WIPI2: variants seen among roughly 807,000 people sequenced by gnomAD.
WIPI2 encodes WD repeat domain, phosphoinositide interacting 2, also known as WD repeat domain phosphoinositide-interacting protein 2.
Under a neutral mutation model 52.3 loss-of-function variants are expected in WIPI2, and 28 were observed. That is an observed-to-expected ratio of 0.54 (90% CI 0.40 to 0.73). The LOEUF (loss-of-function observed/expected upper bound fraction) is 0.73. WIPI2 is among the 30% of genes least tolerant of loss of function. WIPI2 has a pLI of 0.00. For missense variants in WIPI2, 506 were observed against 602.9 expected, an observed-to-expected ratio of 0.84 and a Z score of 1.68; for synonymous variants, 268 against 245.0, an observed-to-expected ratio of 1.09 and a Z score of -0.88.
intron 3 of WIPI2, among the ~76,000 whole-genome samples, chr7:5,206,059 T>G (rs1489813624): frequency 2.6e-5 from 4 of 152,196 alleles, no homozygotes; most frequent in Non-Finnish European, 5.9e-5. Context: ...TTCTGAAGTC[T>G]TGAATTTCTA....
In WIPI2 at chr7:5,231,064, T is replaced by TA. The variant is rs371468533; in HGVS notation, c.*130dup. The TA allele has an allele frequency of 0.029, 15,868 of 538,216 alleles. 16 individuals are homozygous for TA. The highest frequency in any genetic ancestry group is 0.038 in the South Asian group (938 of 24,808). The allele number at this position is 538,216 out of a possible 1,614,324, so 33.3% of individuals were successfully genotyped here. A position where few individuals can be genotyped will look rare whatever the true frequency, so the allele number is the denominator to read the frequency against. On this transcript the variant is annotated 3_prime_UTR_variant, in exon 13 of 13. Coordinates refer to ENST00000288828, the MANE Select transcript of WIPI2 (RefSeq NM_015610.4). ...GGGGAGAGGATGGCAGAGACTTTAT[T>TA]AAAAAAAAAAAAAGATTGTAGTGGT...
intron 6 of WIPI2, chr7:5,217,537 T>C (rs2115281843): frequency 2.6e-6 from 1 of 390,986 alleles, no homozygotes; most frequent in East Asian, 5.9e-5. Context: ...CCTTAAGCCA[T>C]CCTCCCGCCT....
intron 11 of WIPI2, 144 bp downstream of exon 11, chr7:5,228,355 G>A (rs1783547889): frequency 6.5e-6 from 5 of 771,734 alleles, no homozygotes; most frequent in Non-Finnish European, 9.7e-6. Context: ...CGCGCAGGTC[G>A]GGAGCTTCGC....
rs1416285093 is a variant in WIPI2, at chr7:5,193,586, T to A, written c.128+415T>A. Among the ~76,000 whole-genome samples the A allele has an allele frequency of 2.0e-5, 3 of 152,362 alleles. No individual in the cohort carries two copies. The South Asian group carries it at 6.2e-4, about 32-fold the overall frequency. ...AATCAAGGGTTTGGGTTTTTGTTTT[T>A]GAGATGGAGTCTCACTGTTGCACAG... On this transcript the variant is annotated intron_variant, in intron 2 of 12. Transcript: ENST00000288828.
chr7:5,212,908 A>G (rs928023735), intron 3 of WIPI2, among the ~76,000 whole-genome samples: 3 of 152,236 alleles, frequency 2.0e-5, no homozygotes, highest in African/African-American at 4.8e-5. Flanking sequence ...GGGACTGGTC[A>G]GAGAACCAGG....
intron 2 of WIPI2, among the ~76,000 whole-genome samples, chr7:5,198,661 G>T (rs1781870549): frequency 6.6e-6 from 1 of 152,154 alleles, no homozygotes; most frequent in Non-Finnish European, 1.5e-5. Flanking sequence ...GTACACATCA[G>T]ACCACTTGAG....
At chr7:5,196,986 C>T (rs1271161735) in intron 2 of WIPI2, among the ~76,000 whole-genome samples, 1 of 151,798 alleles carries the variant, frequency 6.6e-6, no homozygotes, top group African/African-American at 2.4e-5. Context: ...GTGGCAGGCA[C>T]CTGTAATCCC....
Position 5,230,942 on chromosome 7 carries a change from G to A in WIPI2, c.1360G>A (p.Asp454Asn), listed in dbSNP as rs942942662. ...SEHPPMILRT[D>N] The stretch of plus-strand genomic sequence containing the variant: ...GCACCCGCCCATGATTCTTCGGACT[G>A]ACTGAACTTGACCTGTGACCTCTGA... Residue 454 changes from aspartate to asparagine, a missense_variant, in exon 13 of 13, where the codon GAC becomes AAC. Physicochemically the swap from Asp to Asn is conservative, Grantham distance 23 (BLOSUM62 1). This residue lies in a region of WIPI2 where 194 missense variants were observed against 175.1 expected (regional missense o/e 1.11). Transcript: ENST00000288828. This position sits in a 1 kb window ranked among gnomAD's most constrained non-coding sequence, Gnocchi z 4.8. 18 of 1,610,338 alleles carry A rather than the reference G, an allele frequency of 1.1e-5. No individual in the cohort carries two copies. The highest frequency in any genetic ancestry group is 1.4e-5 in the Non-Finnish European group (17 of 1,178,164).
At position 5,231,051 on chromosome 7, in the gene WIPI2, G is replaced by C; in HGVS notation, c.*104G>C. The C allele has an allele frequency of 1.2e-6, 1 of 849,612 alleles. No individual in the cohort carries two copies. Among genetic ancestry groups the C allele is most frequent in the Non-Finnish European group, 1.7e-6 (1 of 584,282 alleles). The allele number at this position is 849,612 out of a possible 1,614,324, so 52.6% of individuals were successfully genotyped here. ...TTGACCTGAGTCGGGGGAGAGGATG[G>C]CAGAGACTTTATTAAAAAAAAAAAA... On this transcript the variant is annotated 3_prime_UTR_variant, in exon 13 of 13. Coordinates refer to ENST00000288828, the MANE Select transcript of WIPI2 (RefSeq NM_015610.4).
intron 3 of WIPI2, among the ~76,000 whole-genome samples, chr7:5,211,435 G>A (rs1195428829): frequency 2.0e-5 from 3 of 152,200 alleles, no homozygotes; most frequent in African/African-American, 7.2e-5. Context: ...TCACGCCATT[G>A]CACTCCAGCC....
At chr7:5,209,140 C>T (rs2115253958) in intron 3 of WIPI2, among the ~76,000 whole-genome samples, 1 of 151,386 alleles carries the variant, frequency 6.6e-6, no homozygotes, top group African/African-American at 2.4e-5. Context: ...TTGCTGCTGG[C>T]CTAAACATAT....
intron 3 of WIPI2, among the ~76,000 whole-genome samples, chr7:5,206,400 A>C (rs1319004227): frequency 6.6e-6 from 1 of 152,240 alleles, no homozygotes; most frequent in African/African-American, 2.4e-5. Context: ...TTGTTGGATT[A>C]GGTGTTGAGT....
In WIPI2 at chr7:5,222,950, TC is replaced by T. The variant is rs1783219123; in HGVS notation, c.740+281del. 4 of 401,974 alleles carry T rather than the reference TC, an allele frequency of 1.0e-5. No homozygotes were observed. In the Admixed American group the frequency reaches 1.5e-4, roughly 16 times the overall value. The allele number at this position is 401,974 out of a possible 1,614,324, so 24.9% of individuals were successfully genotyped here. A position where few individuals can be genotyped will look rare whatever the true frequency, so the allele number is the denominator to read the frequency against. On this transcript the variant is annotated intron_variant, in intron 8 of 12. Transcript: ENST00000288828. Reference sequence around the variant, plus strand: ...GGTGGGCCCTCCAGTGCCCGGCAGCTCCCAGCCTGCTGTAAGGGACGGGGCG... The same window carrying T: ...GGTGGGCCCTCCAGTGCCCGGCAGCTCCAGCCTGCTGTAAGGGACGGGGCG...
intron 4 of WIPI2, among the ~76,000 whole-genome samples, chr7:5,215,253 G>A (rs983434449): frequency 1.0e-4 from 8 of 79,552 alleles, no homozygotes; most frequent in African/African-American, 2.5e-4. Context: ...GGAAGTTGCA[G>A]TGAGCCAAGG....
chr7:5,202,255 T>TCA (rs528197140), intron 3 of WIPI2, among the ~76,000 whole-genome samples: 103 of 152,138 alleles, frequency 6.8e-4, no homozygotes, highest in African/African-American at 2.2e-3. Flanking sequence ...AAAAGAAAAT[T>TCA]CACACACACA....
chr7:5,190,996 G>GT (rs923787524), intron 1 of WIPI2, among the ~76,000 whole-genome samples: 2 of 151,538 alleles, frequency 1.3e-5, no homozygotes, highest in Admixed American at 6.6e-5. Context: ...GTTTCTCACT[G>GT]TTTTTTTGTT....
At chr7:5,196,476 A>C (rs1305012041) in intron 2 of WIPI2, among the ~76,000 whole-genome samples, 1 of 152,220 alleles carries the variant, frequency 6.6e-6, no homozygotes, top group African/African-American at 2.4e-5. Context: ...AGTTTTGTAA[A>C]CTGTGGGGTT....
At chr7:5,228,900 C>G (rs979144103) in intron 11 of WIPI2, among the ~76,000 whole-genome samples, 1 of 151,722 alleles carries the variant, frequency 6.6e-6, no homozygotes, top group African/African-American at 2.4e-5. Flanking sequence ...TAATTACTTT[C>G]TTGTGCAGGG....
chr7:5,218,150 G>C, intron 7 of WIPI2, 136 bp downstream of exon 7: 1 of 879,188 alleles, frequency 1.1e-6, no homozygotes, highest in Non-Finnish European at 1.8e-6. Context: ...CCACCCACTT[G>C]TCAGGCCACA....
Sources: allele counts gnomAD v4.1 joint callset (sites outside exome capture counted in the v4.1 genomes callset), GRCh38; gene constraint gnomAD v4.1.1; regional missense constraint gnomAD v4.1.1; non-coding constraint Gnocchi (gnomAD v3.1); transcripts MANE v1.5; gene names NCBI Gene and HGNC (gene_info 2026-07-23, HGNC 2026-07-21).